CSNK1G1: variants seen among roughly 807,000 people sequenced by gnomAD.
CSNK1G1 encodes casein kinase I isoform gamma-1.
CSNK1G1 carries 22 observed loss-of-function variants against 59.6 expected under a neutral mutation model. The observed-to-expected ratio is 0.37, with a 90% CI of 0.26 to 0.53. CSNK1G1 has a LOEUF of 0.53. Among genes scored for constraint, CSNK1G1 ranks in the 20% least tolerant of loss-of-function variants. The pLI is 0.89. For synonymous variants in CSNK1G1, 179 were observed against 177.1 expected (o/e 1.01, Z -0.08); for missense variants, 384 against 519.5 (o/e 0.74, Z 2.54).
rs188502810 is a variant in CSNK1G1, at chr15:64,214,167, T to C, written c.445-43A>G. ...GATAGAAAGACTGTAAAGAAGTATA[T>C]CAGGAAAATACATCAAAACAGTTTC... On this transcript the variant is annotated intron_variant, in intron 5 of 11. Coordinates refer to ENST00000303052, the MANE Select transcript of CSNK1G1 (RefSeq NM_022048.5). The surrounding 1 kb of genome is among the most constrained non-coding windows in gnomAD (Gnocchi z 4.3). 18 of 1,382,902 alleles carry C rather than the reference T, an allele frequency of 1.3e-5. No homozygotes were observed. The East Asian group carries it at 3.9e-4, about 30-fold the overall frequency. 85.7% of individuals were successfully genotyped at this position (1,382,902 alleles called of 1,614,324 possible).
In CSNK1G1 at chr15:64,318,642, G is replaced by A. The variant is rs137923869; in HGVS notation, c.-224-17919C>T. On this transcript the variant is annotated intron_variant, in intron 1 of 11. Coordinates refer to ENST00000303052, the MANE Select transcript of CSNK1G1 (RefSeq NM_022048.5). Reference sequence around the variant, plus strand: ...TTTTTTTTTTTTGAGACAAAGTTTCGCCCTGTCACCCAGGCTGGAATGCAG... The same window carrying A: ...TTTTTTTTTTTTGAGACAAAGTTTCACCCTGTCACCCAGGCTGGAATGCAG... Among the ~76,000 whole-genome samples, 382 of 144,350 alleles carry A rather than the reference G, an allele frequency of 2.6e-3. 1 individual carries two copies. The highest frequency in any genetic ancestry group is 9.6e-3 in the African/African-American group (372 of 38,820). The allele number at this position is 144,350 out of a possible 152,430, so 94.7% of individuals were successfully genotyped here.
chr15:64,278,418 GTATA>G (rs751622081), intron 2 of CSNK1G1, among the ~76,000 whole-genome samples: 16 of 77,702 alleles, frequency 2.1e-4, no homozygotes, highest in East Asian at 2.8e-4. Flanking sequence ...GTGTGTGTGT[GTATA>G]TATATATATA....
At chr15:64,343,998 T>G (rs1164879567) in intron 1 of CSNK1G1, among the ~76,000 whole-genome samples, 3 of 152,084 alleles carry the variant, frequency 2.0e-5, no homozygotes, top group Non-Finnish European at 4.4e-5. Context: ...TGCAACAAAC[T>G]CATTTTGTTA....
rs567490030 is a variant in CSNK1G1, at chr15:64,189,081, G to A, written c.1108-8627C>T. 1.8e-3 allele frequency among the ~76,000 whole-genome samples: 267 copies of A among 152,156 alleles called. 1 individual carries two copies. Among genetic ancestry groups the A allele is most frequent in the Non-Finnish European group, 3.0e-3 (206 of 68,002 alleles). ...GTGGAGGTTGCAGTGAGCCAAGATC[G>A]CGCCACTGCACTCCAGCCTGCGCGA... On this transcript the variant is annotated intron_variant, in intron 10 of 11. Transcript: ENST00000303052.
intron 4 of CSNK1G1, among the ~76,000 whole-genome samples, chr15:64,222,243 A>G (rs1187289396): frequency 1.4e-5 from 2 of 146,896 alleles, no homozygotes; most frequent in African/African-American, 2.5e-5. Flanking sequence ...ACATGGACAC[A>G]GAGAGGGGAA....
rs566349531 is a variant in CSNK1G1, at chr15:64,168,598, G to C, written c.*3333C>G. On this transcript the variant is annotated 3_prime_UTR_variant, in exon 12 of 12. Transcript: ENST00000303052. Reference sequence around the variant, plus strand: ...GAGTTAGCTTTCAGGAAAAACAACTGCATCAATCCTAAAGAAAAAGATCGT... The same window carrying C: ...GAGTTAGCTTTCAGGAAAAACAACTCCATCAATCCTAAAGAAAAAGATCGT... The C allele has an allele frequency of 2.0e-5, 3 of 152,320 alleles. No homozygotes were observed. The South Asian group carries it at 6.2e-4, about 32-fold the overall frequency. 9.4% of individuals were successfully genotyped at this position (152,320 alleles called of 1,614,324 possible).
intron 4 of CSNK1G1, among the ~76,000 whole-genome samples, chr15:64,243,250 C>G (rs553192592): frequency 6.6e-6 from 1 of 151,886 alleles, no homozygotes; most frequent in Non-Finnish European, 1.5e-5. Context: ...GCAGGAGAAT[C>G]GCTTGAACCA....
intron 4 of CSNK1G1, among the ~76,000 whole-genome samples, chr15:64,251,186 A>T (rs1892060662): frequency 6.6e-6 from 1 of 152,314 alleles, no homozygotes; most frequent in South Asian, 2.1e-4. Context: ...AATTACCAAC[A>T]TTTCCTCCTT....
intron 1 of CSNK1G1, among the ~76,000 whole-genome samples, chr15:64,319,915 G>A (rs1436991907): frequency 1.4e-5 from 2 of 139,850 alleles, no homozygotes; most frequent in Non-Finnish European, 3.0e-5. Flanking sequence ...AGTAGATCAG[G>A]GCTTTTTTTT....
chr15:64,188,556 A>T lies in CSNK1G1; in HGVS notation c.1108-8102T>A, dbSNP rs1314190520. 12 of 1,123,878 alleles carry T rather than the reference A, an allele frequency of 1.1e-5. No individual in the cohort carries two copies. Among genetic ancestry groups the T allele is most frequent in the Non-Finnish European group, 1.5e-5 (12 of 777,332 alleles). The allele number at this position is 1,123,878 out of a possible 1,614,324, so 69.6% of individuals were successfully genotyped here. A position where few individuals can be genotyped will look rare whatever the true frequency, so the allele number is the denominator to read the frequency against. On this transcript the variant is annotated intron_variant, in intron 10 of 11. Transcript: ENST00000303052. This position sits in a 1 kb window ranked among gnomAD's most constrained non-coding sequence, Gnocchi z 4.2. The stretch of plus-strand genomic sequence containing the variant: ...GTGAAGCAACAGCAAGCAATAACAA[A>T]ATCAAGTACATTCGTGTCCCTGTAG...
intron 1 of CSNK1G1, among the ~76,000 whole-genome samples, chr15:64,310,204 C>A (rs1197252480): frequency 6.6e-6 from 1 of 152,072 alleles, no homozygotes; most frequent in African/African-American, 2.4e-5. Context: ...TCAGCTATTT[C>A]ATTTTTTCCT....
At chr15:64,246,752 A>G (rs1283631960) in intron 4 of CSNK1G1, among the ~76,000 whole-genome samples, 1 of 151,960 alleles carries the variant, frequency 6.6e-6, no homozygotes, top group African/African-American at 2.4e-5. Flanking sequence ...AAGCCAGGAT[A>G]TGGGAGCCTA....
At chr15:64,242,264 C>T (rs1460880963) in intron 4 of CSNK1G1, among the ~76,000 whole-genome samples, 4 of 152,100 alleles carry the variant, frequency 2.6e-5, no homozygotes, top group South Asian at 4.2e-4. Flanking sequence ...AATATTTGTC[C>T]CTGCTCAAAT....
At chr15:64,187,092 A>G (rs2081906767) in intron 10 of CSNK1G1, among the ~76,000 whole-genome samples, 2 of 152,014 alleles carry the variant, frequency 1.3e-5, no homozygotes, top group East Asian at 1.9e-4. Context: ...AAGTGCTGGG[A>G]TTATAGGTGC....
intron 2 of CSNK1G1, among the ~76,000 whole-genome samples, chr15:64,297,711 A>G (rs965353862): frequency 4.0e-5 from 6 of 151,400 alleles, no homozygotes; most frequent in African/African-American, 1.5e-4. Context: ...AAAAAAAAAA[A>G]GAATAAGAAG....
intron 4 of CSNK1G1, among the ~76,000 whole-genome samples, chr15:64,247,096 C>A (rs557451529): frequency 1.3e-5 from 2 of 152,304 alleles, no homozygotes; most frequent in East Asian, 3.9e-4. Flanking sequence ...TCTCATCCAC[C>A]AAATCTTGTT....
chr15:64,210,783 C>T lies in CSNK1G1; in HGVS notation c.679+3107G>A, dbSNP rs1480882305. 2.0e-5 allele frequency among the ~76,000 whole-genome samples: 3 copies of T among 152,184 alleles called. No individual in the cohort carries two copies. Among genetic ancestry groups the T allele is most frequent in the Non-Finnish European group, 4.4e-5 (3 of 68,030 alleles). ...CTTCCCCCGGACCCCCCAACACACACAAACCTCACGTTGAAATTTGATCCC... is the reference window on the plus strand; with the variant it reads ...CTTCCCCCGGACCCCCCAACACACATAAACCTCACGTTGAAATTTGATCCC... On this transcript the variant is annotated intron_variant, in intron 6 of 11. Coordinates refer to ENST00000303052, the MANE Select transcript of CSNK1G1 (RefSeq NM_022048.5). This position sits in a 1 kb window ranked among gnomAD's most constrained non-coding sequence, Gnocchi z 4.2.
At chr15:64,345,802 T>A (rs1282410911) in intron 1 of CSNK1G1, among the ~76,000 whole-genome samples, 1 of 151,158 alleles carries the variant, frequency 6.6e-6, no homozygotes, top group Non-Finnish European at 1.5e-5. Context: ...AAAAAACTTA[T>A]TTTTTTTTGA....
rs1425459574 is a variant in CSNK1G1, at chr15:64,171,292, GA to G, written c.*638del. ...AGAACGCCAACACACAGGGACAGTA[GA>G]CTGCAGATTGCTCACAGCTTGTGTC... On this transcript the variant is annotated 3_prime_UTR_variant, in exon 12 of 12. Transcript: ENST00000303052. The surrounding 1 kb of genome is among the most constrained non-coding windows in gnomAD (Gnocchi z 4.8). 1.3e-5 allele frequency: 2 copies of G among 153,008 alleles called. No individual in the cohort carries two copies. The highest frequency in any genetic ancestry group is 4.8e-5 in the African/African-American group (2 of 41,556). The allele number at this position is 153,008 out of a possible 1,614,324, so 9.5% of individuals were successfully genotyped here.
Sources: gnomAD v4.1 joint callset for allele counts (sites outside exome capture counted in the v4.1 genomes callset) on GRCh38, gnomAD v4.1.1 for gene constraint, Gnocchi (gnomAD v3.1) non-coding constraint, MANE v1.5 for transcripts, NCBI Gene and HGNC (gene_info 2026-07-23, HGNC 2026-07-21) for gene names.